UTRN: variants seen among roughly 807,000 people sequenced by gnomAD.
UTRN encodes utrophin, also known as dystrophin-related protein 1.
UTRN carries 283 observed loss-of-function variants against 463.9 expected under a neutral mutation model. The observed-to-expected ratio is 0.61, with a 90% CI of 0.55 to 0.67. UTRN has a LOEUF of 0.67. Among genes scored for constraint, UTRN ranks in the 30% least tolerant of loss-of-function variants. The pLI is 0.00. For synonymous variants in UTRN, 1,442 were observed against 1,431.5 expected (o/e 1.01, Z -0.17); for missense variants, 3,922 against 4,084.3 (o/e 0.96, Z 1.08).
At chr6:144,626,043 C>T (rs971816986) in intron 51 of UTRN, among the ~76,000 whole-genome samples, 3 of 152,270 alleles carry the variant, frequency 2.0e-5, no homozygotes, top group African/African-American at 4.8e-5. Flanking sequence ...TAGGGGCTGA[C>T]AGTGACCAGT....
intron 2 of UTRN, among the ~76,000 whole-genome samples, chr6:144,380,280 A>G (rs918369218): frequency 1.3e-5 from 2 of 152,206 alleles, no homozygotes; most frequent in Non-Finnish European, 2.9e-5. Flanking sequence ...TTTATAAAGT[A>G]TTTTAAATAA....
chr6:144,371,441 C>G lies in UTRN; in HGVS notation c.80-31682C>G, dbSNP rs573888842. ...TGCTTATGTTTTTGAGACGGAGTTT[C>G]ACTTTTGTTGCCCAGGCTGGAGTGC... On this transcript the variant is annotated intron_variant, in intron 2 of 74. Coordinates refer to ENST00000367545, the MANE Select transcript of UTRN (RefSeq NM_007124.3). Among the ~76,000 whole-genome samples the G allele has an allele frequency of 2.0e-5, 3 of 152,220 alleles. No individual in the cohort carries two copies. The East Asian group carries it at 5.8e-4, about 29-fold the overall frequency.
At chr6:144,604,719 G>A (rs998431611) in intron 51 of UTRN, among the ~76,000 whole-genome samples, 12 of 152,048 alleles carry the variant, frequency 7.9e-5, no homozygotes, top group African/African-American at 1.2e-4. Flanking sequence ...TTCGAGACCA[G>A]CCTGGCCAAC....
chr6:144,418,035 G>T (rs945378021), intron 3 of UTRN, among the ~76,000 whole-genome samples: 1 of 151,982 alleles, frequency 6.6e-6, no homozygotes, highest in African/African-American at 2.4e-5. Context: ...TTATGCTTGT[G>T]ATATAGTCAC....
At chr6:144,557,425 T>G (rs1799485422) in intron 50 of UTRN, 114 bp downstream of exon 50, 2 of 988,002 alleles carry the variant, frequency 2.0e-6, no homozygotes, top group South Asian at 1.9e-5. Flanking sequence ...CATTTTATTA[T>G]TATGTATTTT....
chr6:144,286,119 G>A lies in UTRN; in HGVS notation c.-93+298G>A, dbSNP rs1376860899. On this transcript the variant is annotated intron_variant, in intron 1 of 74. Transcript: ENST00000367545. This position sits in a 1 kb window ranked among gnomAD's most constrained non-coding sequence, Gnocchi z 4.4. ...TGAACGATCCAAACTTATCTGACCA[G>A]CTCTGTGCTGCCTCCCTGCTCCCCT... Among the ~76,000 whole-genome samples, 3 of 152,228 alleles carry A rather than the reference G, an allele frequency of 2.0e-5. No homozygotes were observed. The highest frequency in any genetic ancestry group is 4.4e-5 in the Non-Finnish European group (3 of 68,040).
At chr6:144,536,831 C>G (rs1440300020) in intron 43 of UTRN, among the ~76,000 whole-genome samples, 1 of 151,944 alleles carries the variant, frequency 6.6e-6, no homozygotes, top group Admixed American at 6.6e-5. Context: ...AATCATATTC[C>G]TCTCTTCTGA....
intron 54 of UTRN, among the ~76,000 whole-genome samples, chr6:144,734,944 G>A (rs1279440242): frequency 6.6e-6 from 1 of 152,108 alleles, no homozygotes; most frequent in Non-Finnish European, 1.5e-5. Flanking sequence ...GTAGATGTAA[G>A]CTCCTTGAAG....
chr6:144,640,211 T>C (rs1777631896), intron 51 of UTRN, among the ~76,000 whole-genome samples: 1 of 152,056 alleles, frequency 6.6e-6, no homozygotes, highest in Admixed American at 6.6e-5. Context: ...CACCTTAATA[T>C]CAAGAACAAA....
intron 58 of UTRN, among the ~76,000 whole-genome samples, chr6:144,770,344 C>A (rs1009969922): frequency 2.0e-5 from 3 of 152,144 alleles, no homozygotes; most frequent in East Asian, 1.9e-4. Flanking sequence ...TGATGATATT[C>A]TTTTCCCAGT....
At chr6:144,669,146 C>G (rs529909070) in intron 51 of UTRN, among the ~76,000 whole-genome samples, 1 of 152,034 alleles carries the variant, frequency 6.6e-6, no homozygotes, top group East Asian at 1.9e-4. Flanking sequence ...AATTGCCAAA[C>G]TAATATGGAT....
chr6:144,324,686 T>C (rs1236198458), intron 2 of UTRN, among the ~76,000 whole-genome samples: 1 of 152,222 alleles, frequency 6.6e-6, no homozygotes, highest in East Asian at 1.9e-4. Flanking sequence ...AACTTACAGT[T>C]AAAAGTGGTA....
At chr6:144,724,953 T>C (rs899822438) in intron 53 of UTRN, among the ~76,000 whole-genome samples, 1 of 152,210 alleles carries the variant, frequency 6.6e-6, no homozygotes, top group Non-Finnish European at 1.5e-5. Context: ...TATATACCTA[T>C]GTGTAGAATT....
At position 144,413,872 on chromosome 6, in the gene UTRN, T is replaced by C. The variant is rs141904871; in HGVS notation, c.142-8006T>C. Among the ~76,000 whole-genome samples the C allele has an allele frequency of 1.2e-4, 18 of 152,270 alleles. No homozygotes were observed. The East Asian group carries it at 3.5e-3, about 29-fold the overall frequency. ...AGGCTGAAGTGCAGAGATACAATTA[T>C]GGCTCACTGCAACCTCTACCTCCCC... On this transcript the variant is annotated intron_variant, in intron 3 of 74. Coordinates refer to ENST00000367545, the MANE Select transcript of UTRN (RefSeq NM_007124.3).
intron 2 of UTRN, among the ~76,000 whole-genome samples, chr6:144,373,429 A>AT (rs1219305885): frequency 6.6e-6 from 1 of 152,244 alleles, no homozygotes; most frequent in East Asian, 1.9e-4. Flanking sequence ...AAGGTGACAT[A>AT]TCCTATGATT....
At chr6:144,398,387 C>T in intron 2 of UTRN, 1 of 376,198 alleles carries the variant, frequency 2.7e-6, no homozygotes, top group Non-Finnish European at 5.3e-6. Flanking sequence ...CTTCACTGGG[C>T]ATCTGGCTGG....
At chr6:144,707,120 A>C (rs998491383) in intron 53 of UTRN, 1 of 152,198 alleles carries the variant, frequency 6.6e-6, no homozygotes, top group Non-Finnish European at 1.5e-5. Flanking sequence ...TTCAAATTAA[A>C]TTAAATAGCT....
At chr6:144,837,644 C>T (rs905244610) in intron 71 of UTRN, among the ~76,000 whole-genome samples, 5 of 152,212 alleles carry the variant, frequency 3.3e-5, no homozygotes, top group Admixed American at 2.0e-4. Flanking sequence ...GCAGGAACAA[C>T]TTTCTCTCCA....
intron 74 of UTRN, 48 bp from the exon 75 acceptor site, chr6:144,850,941 G>A (rs1174339653): frequency 6.2e-7 from 1 of 1,612,116 alleles, no homozygotes; most frequent in Middle Eastern, 1.7e-4. Context: ...TCTGCTTCCT[G>A]TAATGTTTTG....
Sources: gnomAD v4.1 joint callset for allele counts (sites outside exome capture counted in the v4.1 genomes callset) on GRCh38, gnomAD v4.1.1 for gene constraint, Gnocchi (gnomAD v3.1) non-coding constraint, MANE v1.5 for transcripts, NCBI Gene and HGNC (gene_info 2026-07-23, HGNC 2026-07-21) for gene names.